Variants in DYNC1I1 observed in about 807,000 individuals in gnomAD.
DYNC1I1 encodes dynein cytoplasmic 1 intermediate chain 1.
A neutral mutation model predicts 86.6 loss-of-function variants in DYNC1I1; 43 were observed. That is an observed-to-expected ratio of 0.50 (90% CI 0.39 to 0.64). The LOEUF (loss-of-function observed/expected upper bound fraction) is 0.64. Ranked by LOEUF, DYNC1I1 falls within the 30% of genes least tolerant of loss-of-function variation. The pLI is 0.00. For missense variants in DYNC1I1, 604 were observed against 788.8 expected, an observed-to-expected ratio of 0.77 and a Z score of 2.81; for synonymous variants, 262 against 283.7, an observed-to-expected ratio of 0.92 and a Z score of 0.77.
intron 1 of DYNC1I1, among the ~76,000 whole-genome samples, chr7:95,789,482 T>C (rs1794236765): frequency 6.6e-6 from 1 of 152,226 alleles, no homozygotes; most frequent in Non-Finnish European, 1.5e-5. Flanking sequence ...ATTGAGGGAC[T>C]TATTTTATGT....
chr7:95,933,610 C>T lies in DYNC1I1; in HGVS notation c.491-43902C>T, dbSNP rs546482728. Among the ~76,000 whole-genome samples the T allele has an allele frequency of 1.8e-3, 271 of 152,232 alleles. 2 individuals are homozygous for T. The highest frequency in any genetic ancestry group is 1.6e-3 in the Non-Finnish European group (107 of 68,010). Reference sequence around the variant, plus strand: ...AACCTATATTTTCATGAAGAAATGGCTTTTAAACATGTTGGCATTTCTGTT... The same window carrying T: ...AACCTATATTTTCATGAAGAAATGGTTTTTAAACATGTTGGCATTTCTGTT... On this transcript the variant is annotated intron_variant, in intron 6 of 16. Transcript: ENST00000447467.
At chr7:95,887,693 G>A (rs1206906813) in intron 6 of DYNC1I1, among the ~76,000 whole-genome samples, 1 of 152,018 alleles carries the variant, frequency 6.6e-6, no homozygotes, top group African/African-American at 2.4e-5. Flanking sequence ...ATCTGTCTTT[G>A]GAGAAAAGAG....
intron 16 of DYNC1I1, among the ~76,000 whole-genome samples, chr7:96,085,206 T>C (rs1790643170): frequency 6.6e-6 from 1 of 152,160 alleles, no homozygotes; most frequent in African/African-American, 2.4e-5. Context: ...CTTTCTCTTA[T>C]TATGTACAAT....
chr7:95,898,741 T>A (rs1345729727), intron 6 of DYNC1I1, among the ~76,000 whole-genome samples: 1 of 152,206 alleles, frequency 6.6e-6, no homozygotes, highest in Non-Finnish European at 1.5e-5. Context: ...TGTGAGTTCA[T>A]CTTCTTTACA....
intron 16 of DYNC1I1, among the ~76,000 whole-genome samples, chr7:96,090,978 G>A (rs1196028274): frequency 1.3e-5 from 2 of 152,124 alleles, no homozygotes; most frequent in African/African-American, 4.8e-5. Flanking sequence ...TATGTGAAGC[G>A]GGTATGCTTG....
At chr7:95,860,885 T>C (rs1476752744) in intron 5 of DYNC1I1, among the ~76,000 whole-genome samples, 1 of 152,192 alleles carries the variant, frequency 6.6e-6, no homozygotes, top group Non-Finnish European at 1.5e-5. Context: ...GGGAATAGCC[T>C]TCATGATGTA....
intron 5 of DYNC1I1, among the ~76,000 whole-genome samples, chr7:95,836,787 C>T (rs913187762): frequency 4.6e-5 from 7 of 152,270 alleles, no homozygotes; most frequent in Non-Finnish European, 7.4e-5. Context: ...GCATTCTTCA[C>T]GTAGTTCTTG....
downstream of DYNC1I1, among the ~76,000 whole-genome samples, chr7:96,100,026 TGTG>T (rs1053186478): frequency 1.3e-5 from 2 of 152,102 alleles, no homozygotes; most frequent in African/African-American, 2.4e-5. Flanking sequence ...CCAGATGAAA[TGTG>T]GTAGCCAGAA....
intron 16 of DYNC1I1, among the ~76,000 whole-genome samples, chr7:96,108,728 G>A (rs1018110051): frequency 6.6e-6 from 1 of 151,890 alleles, no homozygotes; most frequent in Non-Finnish European, 1.5e-5. Context: ...CGGGTGTGGT[G>A]GTGGGTGCCT....
chr7:95,935,681 C>T (rs946656536), intron 6 of DYNC1I1, among the ~76,000 whole-genome samples: 2 of 151,902 alleles, frequency 1.3e-5, no homozygotes, highest in African/African-American at 2.4e-5. Flanking sequence ...ATTGAGAGAA[C>T]ATATTTGCAA....
chr7:95,922,573 C>G (rs1791638715), intron 6 of DYNC1I1, among the ~76,000 whole-genome samples: 1 of 151,986 alleles, frequency 6.6e-6, no homozygotes, highest in African/African-American at 2.4e-5. Flanking sequence ...TTTTGTGATA[C>G]CCAGACTTCC....
chr7:95,934,840 T>C (rs1198398749), intron 6 of DYNC1I1, among the ~76,000 whole-genome samples: 1 of 151,990 alleles, frequency 6.6e-6, no homozygotes, highest in Non-Finnish European at 1.5e-5. Context: ...AATATAAATA[T>C]ACACAAAACT....
chr7:95,869,887 A>C lies in DYNC1I1; in HGVS notation c.379A>C (p.Arg127=), dbSNP rs761440788. ...TTTATTCTTTGTTACTTACAGAAGA[A>C]GACTGCATAAACTGGGCGTGTCAAA... is the stretch of plus-strand genomic sequence containing the variant. ...QLQSDSELGR[R]LHKLGVSKVT... is the part of the protein sequence containing the mutation. The change falls in exon 6 of 17, where the codon AGA becomes CGA. Residue 127 remains arginine (R), a synonymous_variant. Coordinates refer to ENST00000447467, the MANE Select transcript of DYNC1I1 (RefSeq NM_001135556.2). 1.2e-6 allele frequency: 2 copies of C among 1,613,914 alleles called. No individual in the cohort carries two copies. Among genetic ancestry groups the C allele is most frequent in the Non-Finnish European group, 1.7e-6 (2 of 1,179,878 alleles).
At chr7:95,878,478 A>G (rs1790366305) in intron 6 of DYNC1I1, among the ~76,000 whole-genome samples, 1 of 152,202 alleles carries the variant, frequency 6.6e-6, no homozygotes, top group African/African-American at 2.4e-5. Flanking sequence ...CATTGAACTA[A>G]TAGAAGAAAA....
rs190164307 is a variant in DYNC1I1, at chr7:96,022,142, C to T, written c.970-6033C>T. On this transcript the variant is annotated intron_variant, in intron 10 of 16. Coordinates refer to ENST00000447467, the MANE Select transcript of DYNC1I1 (RefSeq NM_001135556.2). ...CCCACAAGCATTGTAATGAGTGTTC[C>T]CATCTCTCCACATCGTCACCAACAC... Among the ~76,000 whole-genome samples the T allele has an allele frequency of 3.0e-3, 454 of 152,208 alleles. 1 individual carries two copies. Among genetic ancestry groups the T allele is most frequent in the African/African-American group, 0.01 (435 of 41,532 alleles).
In DYNC1I1 at chr7:95,946,696, A is replaced by T. The variant is rs562910092; in HGVS notation, c.491-30816A>T. ...TGATTAATTCATGCATTGAACAAAT[A>T]TCTAGTAAGTGCATACCCTGAGCCA... On this transcript the variant is annotated intron_variant, in intron 6 of 16. Transcript: ENST00000447467. 6.6e-5 allele frequency among the ~76,000 whole-genome samples: 10 copies of T among 152,318 alleles called. No individual in the cohort carries two copies. The South Asian group carries it at 2.1e-3, about 32-fold the overall frequency.
chr7:95,911,027 G>A (rs184381), intron 6 of DYNC1I1, among the ~76,000 whole-genome samples: 88,366 of 152,002 alleles, frequency 0.58, 27,532 homozygotes, highest in African/African-American at 0.8. Context: ...TATGCTTTGA[G>A]GGTGTCACAT....
chr7:96,098,553 C>G, downstream of DYNC1I1: 1 of 526,456 alleles, frequency 1.9e-6, no homozygotes, highest in Non-Finnish European at 2.4e-6. Context: ...GAGCAGCCAA[C>G]CTGGCTGGAC....
At chr7:95,873,143 G>A (rs904368193) in intron 6 of DYNC1I1, among the ~76,000 whole-genome samples, 1 of 152,146 alleles carries the variant, frequency 6.6e-6, no homozygotes, top group Non-Finnish European at 1.5e-5. Context: ...ATAGTCACCT[G>A]GTATCTTGTG....
Sources: allele counts gnomAD v4.1 joint callset (sites outside exome capture counted in the v4.1 genomes callset), GRCh38; gene constraint gnomAD v4.1.1; transcripts MANE v1.5; gene names NCBI Gene and HGNC (gene_info 2026-07-23, HGNC 2026-07-21).